NAV3: variants seen among roughly 807,000 people sequenced by gnomAD.
NAV3 encodes the protein neuron navigator 3, also known as pore membrane and/or filament interacting like protein 1.
Under a neutral mutation model 244.7 loss-of-function variants are expected in NAV3, and 87 were observed. That is an observed-to-expected ratio of 0.36 (90% CI 0.30 to 0.42). NAV3 has a LOEUF of 0.42. NAV3 is among the 20% of genes least tolerant of loss of function. The pLI is 1.00. For missense variants in NAV3, 2,663 were observed against 2,893.3 expected (o/e 0.92, Z 1.83); for synonymous variants, 1,126 against 1,042.2 (o/e 1.08, Z -1.55).
At chr12:78,105,955 T>A (rs762592878) in intron 12 of NAV3, among the ~76,000 whole-genome samples, 4 of 151,526 alleles carry the variant, frequency 2.6e-5, no homozygotes, top group Non-Finnish European at 5.9e-5. Flanking sequence ...AGGTTTCTAT[T>A]GTTTCTTCTG....
chr12:78,086,223 T>C (rs1317686555), intron 12 of NAV3, among the ~76,000 whole-genome samples: 2 of 152,098 alleles, frequency 1.3e-5, no homozygotes, highest in Non-Finnish European at 2.9e-5. Context: ...CTACCAAAAT[T>C]GCATAAAAGA....
At chr12:77,753,056 A>T (rs1259520885) in intron 2 of NAV3, among the ~76,000 whole-genome samples, 1 of 152,196 alleles carries the variant, frequency 6.6e-6, no homozygotes, top group Non-Finnish European at 1.5e-5. Flanking sequence ...AACTTCAGTC[A>T]TATTTTATGA....
chr12:77,631,441 A>G (rs771982310), intron 2 of NAV3, among the ~76,000 whole-genome samples: 2 of 151,708 alleles, frequency 1.3e-5, no homozygotes, highest in African/African-American at 4.9e-5. Context: ...GTCCCTGGAA[A>G]GCAAAATTGG....
intron 9 of NAV3, among the ~76,000 whole-genome samples, chr12:78,024,176 A>C (rs1179367956): frequency 1.3e-5 from 2 of 152,120 alleles, no homozygotes; most frequent in African/African-American, 4.8e-5. Context: ...AATTCCTGTA[A>C]TGAGTGAATG....
intron 2 of NAV3, among the ~76,000 whole-genome samples, chr12:77,642,811 G>A (rs989718001): frequency 5.9e-5 from 9 of 151,940 alleles, no homozygotes; most frequent in Non-Finnish European, 1.3e-4. Flanking sequence ...AATACTTCAT[G>A]AAAATCTTAC....
At chr12:77,735,061 T>A (rs1300525279) in intron 2 of NAV3, among the ~76,000 whole-genome samples, 1 of 152,190 alleles carries the variant, frequency 6.6e-6, no homozygotes, top group Non-Finnish European at 1.5e-5. Flanking sequence ...GTGAATATAC[T>A]GTGTATAGGC....
At chr12:78,036,893 C>G in intron 9 of NAV3, 1 of 701,724 alleles carries the variant, frequency 1.4e-6, no homozygotes, top group Non-Finnish European at 2.6e-6. Flanking sequence ...TCTCTGTGTT[C>G]CGGAGCAAAG....
At position 78,210,956 on chromosome 12, in the gene NAV3, C is replaced by T. The variant is rs1272066998; in HGVS notation, c.*439C>T. On this transcript the variant is annotated 3_prime_UTR_variant, in exon 40 of 40. Transcript: ENST00000397909. ...GATCTGTCCAACCTCCTTTGTGCCA[C>T]ACGGTGCTGGTCACAGGGCTTCAGT... 2 of 167,354 alleles carry T rather than the reference C, an allele frequency of 1.2e-5. No homozygotes were observed. Among genetic ancestry groups the T allele is most frequent in the Non-Finnish European group, 2.6e-5 (2 of 77,724 alleles). The allele number at this position is 167,354 out of a possible 1,614,324, so 10.4% of individuals were successfully genotyped here. A position where few individuals can be genotyped will look rare whatever the true frequency, so the allele number is the denominator to read the frequency against.
intron 7 of NAV3, among the ~76,000 whole-genome samples, chr12:78,004,997 T>A (rs1013811564): frequency 6.6e-6 from 1 of 152,218 alleles, no homozygotes; most frequent in Non-Finnish European, 1.5e-5. Context: ...TTCTAGCTAA[T>A]GTCTTCAACT....
intron 16 of NAV3, among the ~76,000 whole-genome samples, chr12:78,122,679 A>G (rs548963277): frequency 6.6e-6 from 1 of 152,340 alleles, no homozygotes; most frequent in East Asian, 1.9e-4. Flanking sequence ...CAATGTGAAT[A>G]AAATTCAAGG....
intron 29 of NAV3, 69 bp from the exon 30 acceptor site, chr12:78,180,801 TA>T (rs1958465512): frequency 3.1e-6 from 4 of 1,280,466 alleles, no homozygotes; most frequent in Non-Finnish European, 4.3e-6. Context: ...TTAACTCTGA[TA>T]AAAGACTTGG....
chr12:77,914,130 A>G (rs1172711849), intron 1 of NAV3, among the ~76,000 whole-genome samples: 3 of 152,054 alleles, frequency 2.0e-5, no homozygotes, highest in African/African-American at 4.8e-5. Flanking sequence ...TAGCTGGTTA[A>G]TGCTTCCCAT....
chr12:77,992,175 C>G (rs1871560245), intron 5 of NAV3, among the ~76,000 whole-genome samples: 1 of 152,088 alleles, frequency 6.6e-6, no homozygotes, highest in African/African-American at 2.4e-5. Flanking sequence ...AGAATAATAT[C>G]AAGACACAAG....
intron 2 of NAV3, among the ~76,000 whole-genome samples, chr12:77,644,325 A>G (rs1872534897): frequency 6.6e-6 from 1 of 152,096 alleles, no homozygotes; most frequent in South Asian, 2.1e-4. Flanking sequence ...AGGGACAGAT[A>G]GAAGTAAATG....
intron 2 of NAV3, among the ~76,000 whole-genome samples, chr12:77,814,817 A>G (rs1281980917): frequency 6.6e-6 from 1 of 152,218 alleles, no homozygotes; most frequent in Non-Finnish European, 1.5e-5. Flanking sequence ...ACACTAATTA[A>G]TACACTGCTG....
chr12:77,774,528 G>A (rs1004890170), intron 2 of NAV3, among the ~76,000 whole-genome samples: 1 of 152,042 alleles, frequency 6.6e-6, no homozygotes, highest in Non-Finnish European at 1.5e-5. Flanking sequence ...GAGAGGCAGG[G>A]TACATACCCC....
chr12:77,844,717 A>G (rs1876321183), intron 1 of NAV3, among the ~76,000 whole-genome samples: 1 of 152,182 alleles, frequency 6.6e-6, no homozygotes, highest in Non-Finnish European at 1.5e-5. Flanking sequence ...AGTCATATAC[A>G]TATACCTACA....
At chr12:78,085,762 C>T (rs1194461861) in intron 12 of NAV3, among the ~76,000 whole-genome samples, 1 of 152,102 alleles carries the variant, frequency 6.6e-6, no homozygotes, top group Non-Finnish European at 1.5e-5. Context: ...CAGCCAAGAA[C>T]AGATTATTTG....
chr12:78,176,194 A>C (rs1362887849), intron 25 of NAV3, among the ~76,000 whole-genome samples: 1 of 151,996 alleles, frequency 6.6e-6, no homozygotes, highest in East Asian at 1.9e-4. Context: ...TACTGCGAAA[A>C]ATTTAAAAAC....
Sources: gnomAD v4.1 joint callset for allele counts (sites outside exome capture counted in the v4.1 genomes callset) on GRCh38, gnomAD v4.1.1 for gene constraint, MANE v1.5 for transcripts, NCBI Gene and HGNC (gene_info 2026-07-23, HGNC 2026-07-21) for gene names.